Variants in KCNT1 observed in about 807,000 individuals in gnomAD.
The protein encoded by KCNT1 is potassium channel subfamily T member 1.
A neutral mutation model predicts 147.8 loss-of-function variants in KCNT1; 78 were observed. That is an observed-to-expected ratio of 0.53 (90% CI 0.44 to 0.64). The LOEUF is 0.64. Among genes scored for constraint, KCNT1 ranks in the 30% least tolerant of loss-of-function variants. KCNT1 has a pLI of 0.00. For missense variants in KCNT1, 1,419 were observed against 1,750.3 expected (o/e 0.81, Z 3.38); for synonymous variants, 867 against 748.8 (o/e 1.16, Z -2.58).
intron 21 of KCNT1, 125 bp from the exon 22 acceptor site, chr9:135,778,299 T>C: frequency 1.3e-6 from 1 of 782,092 alleles, no homozygotes; most frequent in South Asian, 1.5e-5. Context: ...CCAGGTCCCA[T>C]ACGCTGCGGT....
rs148038658 is a variant in KCNT1 at position 135,757,330 on chromosome 9, C to T, written c.708C>T (p.Ile236=). The change falls in exon 9 of 31, where the codon ATC becomes ATT. Residue 236 remains isoleucine (I), a synonymous_variant. Coordinates refer to ENST00000371757, the MANE Select transcript of KCNT1 (RefSeq NM_020822.3). ...IFWPPLRNLF[I]PVFLNCWLAK... ...GGCCGCCGCTGCGGAACCTGTTCAT[C>T]CCCGTCTTTCTGAACTGCTGGCTGG... The T allele has an allele frequency of 2.0e-5, 33 of 1,611,864 alleles. No individual in the cohort carries two copies. In the African/African-American group the frequency reaches 4.0e-4, roughly 20 times the overall value.
At chr9:135,740,533 C>T (rs1317049305) in intron 2 of KCNT1, among the ~76,000 whole-genome samples, 1 of 152,224 alleles carries the variant, frequency 6.6e-6, no homozygotes, top group East Asian at 1.9e-4. Context: ...GGGGATGGCC[C>T]CTCCTCACCT....
At chr9:135,731,593 C>T (rs905238590) in intron 2 of KCNT1, among the ~76,000 whole-genome samples, 3 of 152,124 alleles carry the variant, frequency 2.0e-5, no homozygotes, top group East Asian at 1.9e-4. Flanking sequence ...ATTTGTGCCG[C>T]GTTCTCTCAC....
chr9:135,759,476 A>T (rs532177313), intron 10 of KCNT1, among the ~76,000 whole-genome samples: 3 of 152,300 alleles, frequency 2.0e-5, no homozygotes, highest in Admixed American at 6.5e-5. Context: ...GTCAGGCAGG[A>T]GGTGGCTCCG....
intron 18 of KCNT1, among the ~76,000 whole-genome samples, chr9:135,771,662 G>T (rs964894337): frequency 6.6e-6 from 1 of 152,228 alleles, no homozygotes; most frequent in Non-Finnish European, 1.5e-5. Context: ...GCCTCTTCTC[G>T]TGCCTTCAGG....
In KCNT1 at chr9:135,743,411, G is replaced by C. The variant is rs1005695994; in HGVS notation, c.255-6687G>C. On this transcript the variant is annotated intron_variant, in intron 2 of 30. Transcript: ENST00000371757. The stretch of plus-strand genomic sequence containing the variant: ...GCCCCAGGCTTACTGTTCCATGCAC[G>C]GCACCAGCAGCAGAAACCACCGAGC... Among the ~76,000 whole-genome samples the C allele has an allele frequency of 2.0e-5, 3 of 152,160 alleles. No individual in the cohort carries two copies. In the South Asian group the frequency reaches 6.3e-4, roughly 32 times the overall value.
At chr9:135,772,446 T>C (rs1832820300) in intron 18 of KCNT1, among the ~76,000 whole-genome samples, 1 of 151,956 alleles carries the variant, frequency 6.6e-6, no homozygotes, top group Non-Finnish European at 1.5e-5. Context: ...AGGCATCTGG[T>C]GCTGAGGCCA....
chr9:135,784,151 G>A, intron 25 of KCNT1, 26 bp downstream of exon 25: 1 of 1,575,794 alleles, frequency 6.3e-7, no homozygotes, highest in Non-Finnish European at 8.6e-7. Flanking sequence ...GCAGCAGGAG[G>A]GTGGCGCCTG....
chr9:135,729,564 T>A (rs192872669), intron 2 of KCNT1, among the ~76,000 whole-genome samples: 1 of 152,294 alleles, frequency 6.6e-6, no homozygotes, highest in Non-Finnish European at 1.5e-5. Flanking sequence ...AAGTGATAAG[T>A]GGGTGCTGCT....
intron 2 of KCNT1, among the ~76,000 whole-genome samples, chr9:135,746,857 G>A (rs1830858637): frequency 6.6e-6 from 1 of 152,150 alleles, no homozygotes; most frequent in Non-Finnish European, 1.5e-5. Flanking sequence ...GAGGTCAGAG[G>A]GAAGAAACAT....
intron 29 of KCNT1, chr9:135,791,408 G>GTGTTC: frequency 3.8e-6 from 1 of 260,638 alleles, no homozygotes; most frequent in Non-Finnish European, 7.5e-6. Context: ...TGTAGATGAA[G>GTGTTC]GCATGCATGC....
chr9:135,731,398 G>A (rs1432098337), intron 2 of KCNT1, among the ~76,000 whole-genome samples: 8 of 152,136 alleles, frequency 5.3e-5, no homozygotes, highest in African/African-American at 1.9e-4. Context: ...ATGCTTACCT[G>A]TTCTATAACC....
At chr9:135,731,321 A>T (rs1836422573) in intron 2 of KCNT1, among the ~76,000 whole-genome samples, 1 of 152,280 alleles carries the variant, frequency 6.6e-6, no homozygotes, top group Non-Finnish European at 1.5e-5. Flanking sequence ...TTCATTTTGG[A>T]TCACAGTGTC....
At chr9:135,743,970 GCCTGCCCTTTCTT>G (rs1182998066) in intron 2 of KCNT1, among the ~76,000 whole-genome samples, 7 of 152,222 alleles carry the variant, frequency 4.6e-5, no homozygotes, top group African/African-American at 1.4e-4. Flanking sequence ...TGGGCCTGAA[GCCTGCCCTTTCTT>G]CCTGCCTGCC....
rs184967435 is a variant in KCNT1, at chr9:135,767,855, C to A, written c.1338-755C>A. 4.4e-3 allele frequency among the ~76,000 whole-genome samples: 669 copies of A among 152,140 alleles called. 4 individuals carry two copies. Among genetic ancestry groups the A allele is most frequent in the African/African-American group, 0.016 (645 of 41,518 alleles). ...AGAACAGGGCCTGGGGGAGGAAGGG[C>A]AGGCACTGCCCTAGGAAGCACCATG... On this transcript the variant is annotated intron_variant, in intron 13 of 30. Coordinates refer to ENST00000371757, the MANE Select transcript of KCNT1 (RefSeq NM_020822.3).
At chr9:135,788,048 A>ACC in intron 29 of KCNT1, 1 of 1,410,912 alleles carries the variant, frequency 7.1e-7, no homozygotes, top group Non-Finnish European at 1.0e-6. Context: ...TCGCTTGCTG[A>ACC]TATTCTCTCT....
At chr9:135,748,667 G>A (rs1056906499) in intron 2 of KCNT1, among the ~76,000 whole-genome samples, 1 of 152,218 alleles carries the variant, frequency 6.6e-6, no homozygotes, top group African/African-American at 2.4e-5. Context: ...CTTGAACACT[G>A]CCTCCTCCAC....
At chr9:135,757,646 A>G (rs183964974) in intron 9 of KCNT1, among the ~76,000 whole-genome samples, 60 of 152,304 alleles carry the variant, frequency 3.9e-4, no homozygotes, top group African/African-American at 1.4e-3. Context: ...AGGAGGAGGG[A>G]CAAAGTGAAG....
intron 1 of KCNT1, among the ~76,000 whole-genome samples, chr9:135,713,388 G>C (rs1005736346): frequency 1.3e-5 from 2 of 152,272 alleles, no homozygotes; most frequent in African/African-American, 4.8e-5. Context: ...GCACGCACCT[G>C]CTGCCTGCAG....
Sources: gnomAD v4.1 joint callset for allele counts (sites outside exome capture counted in the v4.1 genomes callset) on GRCh38, gnomAD v4.1.1 for gene constraint, MANE v1.5 for transcripts, NCBI Gene and HGNC (gene_info 2026-07-23, HGNC 2026-07-21) for gene names.